The following CFDP1 variants were observed in gnomAD, a reference collection of about 807,000 sequenced individuals.
CFDP1 encodes chromatin remodeling protein CFDP1.
A neutral mutation model predicts 40.1 loss-of-function variants in CFDP1; 31 were observed. The ratio of observed to expected loss-of-function variants is 0.77; its 90% CI spans 0.58 to 1.04. CFDP1 has a LOEUF of 1.04. Among genes scored for constraint, CFDP1 ranks in the 50% least tolerant of loss-of-function variants. The pLI, the probability that CFDP1 is intolerant of heterozygous loss-of-function variation, is 0.00. For missense variants in CFDP1, 423 were observed against 343.4 expected (o/e 1.23, Z -1.83); for synonymous variants, 167 against 120.0 (o/e 1.39, Z -2.56).
chr16:75,380,091 T>A (rs896599632), intron 5 of CFDP1: 1 of 151,782 alleles, frequency 6.6e-6, no homozygotes, highest in African/African-American at 2.4e-5. Context: ...TGAGCTGAGA[T>A]TGTGCCACTG....
chr16:75,430,501 G>A (rs995812072), intron 1 of CFDP1, among the ~76,000 whole-genome samples: 1 of 151,190 alleles, frequency 6.6e-6, no homozygotes, highest in African/African-American at 2.4e-5. Context: ...GTCTTGCTCT[G>A]TTACCCAGGC....
chr16:75,319,484 G>A (rs2151508915), intron 5 of CFDP1, among the ~76,000 whole-genome samples: 1 of 152,240 alleles, frequency 6.6e-6, no homozygotes, highest in South Asian at 2.1e-4. Flanking sequence ...TGCATTACAC[G>A]AGACTGAAGT....
intron 1 of CFDP1, among the ~76,000 whole-genome samples, chr16:75,416,222 T>C (rs2079203540): frequency 6.6e-6 from 1 of 151,718 alleles, no homozygotes; most frequent in African/African-American, 2.4e-5. Flanking sequence ...AAGCCTCCAA[T>C]ATGAAAGGCA....
At chr16:75,385,096 A>T (rs2078884880) in intron 5 of CFDP1, among the ~76,000 whole-genome samples, 1 of 151,416 alleles carries the variant, frequency 6.6e-6, no homozygotes, top group African/African-American at 2.4e-5. Context: ...GAATAAGGAA[A>T]ATAATTTTTA....
At chr16:75,412,080 A>G in intron 3 of CFDP1, 128 bp from the exon 4 acceptor site, 2 of 970,248 alleles carry the variant, frequency 2.1e-6, no homozygotes, top group Admixed American at 3.4e-5. Flanking sequence ...CAGTAACACA[A>G]TCTTGGCTCA....
chr16:75,355,089 C>T (rs1186320380), intron 5 of CFDP1, among the ~76,000 whole-genome samples: 1 of 152,196 alleles, frequency 6.6e-6, no homozygotes, highest in East Asian at 1.9e-4. Flanking sequence ...AAACAATGTA[C>T]AGATCTTCAT....
Position 75,341,772 on chromosome 16 carries a change from T to TA in CFDP1, c.651-36591dup, listed in dbSNP as rs531752582. ...GTTCTCTTTCTTCTTCTTGCTTTAG[T>TA]ATTTTCCACCGTTTCTAGGACTCCC... On this transcript the variant is annotated intron_variant, in intron 5 of 6. Transcript: ENST00000283882. Among the ~76,000 whole-genome samples, 107 of 152,308 alleles carry TA rather than the reference T, an allele frequency of 7.0e-4. 1 individual carries two copies. The highest frequency in any genetic ancestry group is 2.6e-3 in the African/African-American group (107 of 41,558).
rs2078984541 is a variant in CFDP1, at chr16:75,395,027, T to A, written c.650+63A>T. On this transcript the variant is annotated intron_variant, in intron 5 of 6. Coordinates refer to ENST00000283882, the MANE Select transcript of CFDP1 (RefSeq NM_006324.3). ...GAGTCTGATCTGCAGCGAAAGTAGG[T>A]ATTTGCACTGAAAGCTTCTCCAACG... The A allele has an allele frequency of 1.9e-6, 3 of 1,598,864 alleles. No homozygotes were observed. The South Asian group carries it at 3.3e-5, about 18-fold the overall frequency.
intron 5 of CFDP1, among the ~76,000 whole-genome samples, chr16:75,370,624 A>T (rs2078744817): frequency 6.6e-6 from 1 of 152,072 alleles, no homozygotes; most frequent in Admixed American, 6.6e-5. Flanking sequence ...GCACTTTAGG[A>T]GGCTGAGGAG....
At chr16:75,338,564 T>C (rs1031439566) in intron 5 of CFDP1, among the ~76,000 whole-genome samples, 3 of 152,188 alleles carry the variant, frequency 2.0e-5, no homozygotes, top group Non-Finnish European at 4.4e-5. Context: ...TGTTTCTACC[T>C]GCGTCTAGTG....
At chr16:75,412,279 A>G (rs1372541958) in intron 3 of CFDP1, among the ~76,000 whole-genome samples, 5 of 152,168 alleles carry the variant, frequency 3.3e-5, no homozygotes, top group East Asian at 1.9e-4. Context: ...TCAGCCTCCC[A>G]AAGTGCAGGG....
At chr16:75,349,682 A>T (rs1299263253) in intron 5 of CFDP1, among the ~76,000 whole-genome samples, 2,113 of 7,178 alleles carry the variant, frequency 0.29, 255 homozygotes, top group African/African-American at 0.33. Context: ...AAAAAAAAAA[A>T]AAAAAAAAAT....
chr16:75,426,843 T>C (rs1022396970), intron 1 of CFDP1, among the ~76,000 whole-genome samples: 2 of 151,942 alleles, frequency 1.3e-5, no homozygotes, highest in South Asian at 4.2e-4. Context: ...TCACTTGAGG[T>C]TGGGAGTTGG....
intron 5 of CFDP1, among the ~76,000 whole-genome samples, chr16:75,337,735 C>A (rs2078499248): frequency 6.6e-6 from 1 of 152,124 alleles, no homozygotes; most frequent in Non-Finnish European, 1.5e-5. Flanking sequence ...TGAGAACTCA[C>A]TATCACGAAA....
intron 5 of CFDP1, among the ~76,000 whole-genome samples, chr16:75,339,898 C>CT (rs751020966): frequency 2.6e-5 from 4 of 152,188 alleles, no homozygotes; most frequent in Non-Finnish European, 5.9e-5. Flanking sequence ...CCTTAAAAAT[C>CT]TTTAAATGGC....
intron 1 of CFDP1, among the ~76,000 whole-genome samples, chr16:75,427,204 C>G (rs1282177375): frequency 6.6e-6 from 1 of 152,052 alleles, no homozygotes; most frequent in African/African-American, 2.4e-5. Context: ...ATGAAAAGAG[C>G]ATCAACATCC....
intron 5 of CFDP1, among the ~76,000 whole-genome samples, chr16:75,346,797 A>G (rs1040020730): frequency 2.7e-5 from 4 of 150,942 alleles, no homozygotes; most frequent in African/African-American, 9.7e-5. Context: ...ATTTTGCCCC[A>G]TTCCTCTTCT....
Position 75,366,163 on chromosome 16 carries a change from A to G in CFDP1, c.650+28927T>C, listed in dbSNP as rs72787123. ...TCAACTGATGAATGGGATAAGTATA[A>G]TGTGGTATAGCTATAAAGTACAATA... On this transcript the variant is annotated intron_variant, in intron 5 of 6. Transcript: ENST00000283882. 1.9e-3 allele frequency among the ~76,000 whole-genome samples: 297 copies of G among 152,336 alleles called. 2 individuals carry two copies. Among genetic ancestry groups the G allele is most frequent in the Middle Eastern group, 3.4e-3 (1 of 294 alleles).
At chr16:75,405,516 G>A (rs939579918) in intron 4 of CFDP1, among the ~76,000 whole-genome samples, 1 of 151,732 alleles carries the variant, frequency 6.6e-6, no homozygotes, top group Non-Finnish European at 1.5e-5. Flanking sequence ...GGGAGGCTGA[G>A]GCGGGCAGAT....
Sources: gnomAD v4.1 joint callset for allele counts (sites outside exome capture counted in the v4.1 genomes callset) on GRCh38, gnomAD v4.1.1 for gene constraint, MANE v1.5 for transcripts, NCBI Gene and HGNC (gene_info 2026-07-23, HGNC 2026-07-21) for gene names.